Variants in ECT2L observed in about 807,000 individuals in gnomAD.
ECT2L encodes the protein epithelial cell transforming 2 like.
ECT2L carries 126 observed loss-of-function variants against 122.8 expected under a neutral mutation model. The observed-to-expected ratio is 1.03, with a 90% CI of 0.89 to 1.19. The LOEUF is 1.19. Ranked by LOEUF, ECT2L falls within the 50% of genes most tolerant of loss-of-function variation. The pLI, the probability that ECT2L is intolerant of heterozygous loss-of-function variation, is 0.00. For synonymous variants in ECT2L, 385 were observed against 381.8 expected, an observed-to-expected ratio of 1.01 and a Z score of -0.10; for missense variants, 1,012 against 1,064.1, an observed-to-expected ratio of 0.95 and a Z score of 0.68.
At chr6:138,830,680 A>G (rs1471643252) in intron 4 of ECT2L, among the ~76,000 whole-genome samples, 2 of 152,006 alleles carry the variant, frequency 1.3e-5, no homozygotes, top group Non-Finnish European at 2.9e-5. Flanking sequence ...CGAAATGACA[A>G]TCTTCCTGTG....
At chr6:138,849,180 G>A (rs1777338672) in intron 8 of ECT2L, 89 bp from the exon 9 acceptor site, 2 of 1,248,512 alleles carry the variant, frequency 1.6e-6, no homozygotes, top group East Asian at 5.4e-5. Context: ...AGAAATCACG[G>A]CGTATTTTGT....
Position 138,812,962 on chromosome 6 carries a change from A to G in ECT2L, c.-119A>G. 4.0e-6 allele frequency: 1 copy of G among 249,424 alleles called. No individual in the cohort carries two copies. The highest frequency in any genetic ancestry group is 7.5e-6 in the Non-Finnish European group (1 of 132,692). 15.5% of individuals were successfully genotyped at this position (249,424 alleles called of 1,614,324 possible). The stretch of plus-strand genomic sequence containing the variant: ...AAAAACAACTTTTGTTTAAATTCAG[A>G]TTTGGGTGAAAGCAGGTAAGAATAG... On this transcript the variant is annotated 5_prime_UTR_variant, in exon 2 of 22. Coordinates refer to ENST00000541398, the MANE Select transcript of ECT2L (RefSeq NM_001077706.3).
chr6:138,879,188 C>T (rs1778566425), intron 14 of ECT2L: 2 of 300,412 alleles, frequency 6.7e-6, no homozygotes, highest in Non-Finnish European at 1.3e-5. Context: ...TTGCTATTCA[C>T]AATAGGCTTT....
At chr6:138,841,232 G>T (rs1224300131) in intron 5 of ECT2L, among the ~76,000 whole-genome samples, 1 of 152,120 alleles carries the variant, frequency 6.6e-6, no homozygotes, top group Non-Finnish European at 1.5e-5. Flanking sequence ...TCTCTCTATA[G>T]TTATTAAAAA....
Position 138,901,128 on chromosome 6 carries a change from T to C in ECT2L, c.2587+8T>C, listed in dbSNP as rs777780341. 4 of 1,613,168 alleles carry C rather than the reference T, an allele frequency of 2.5e-6. No individual in the cohort carries two copies. Among genetic ancestry groups the C allele is most frequent in the Admixed American group, 3.3e-5 (2 of 59,944 alleles). ...ATATTCCAGATTCCAAGTGTATGTA[T>C]TCTTTTCCTTCCAAGAGACAGATAC... On this transcript the variant is annotated splice_region_variant and intron_variant, in intron 21 of 21. Transcript: ENST00000541398.
chr6:138,870,602 T>G lies in ECT2L; in HGVS notation c.1578+2396T>G, dbSNP rs199948081. Among the ~76,000 whole-genome samples, 21 of 12,664 alleles carry G rather than the reference T, an allele frequency of 1.7e-3. No homozygotes were observed. The East Asian group carries it at 0.42, about 253-fold the overall frequency. 8.3% of individuals were successfully genotyped at this position (12,664 alleles called of 152,430 possible). ...AGAAATTTGCATTTTGCTTTGACAT[T>G]TATGAGCCCTGAGAGAACTTAAGGG... On this transcript the variant is annotated intron_variant, in intron 13 of 21. Transcript: ENST00000541398.
At chr6:138,839,985 CTAA>C (rs1183804973) in intron 5 of ECT2L, among the ~76,000 whole-genome samples, 1 of 152,010 alleles carries the variant, frequency 6.6e-6, no homozygotes, top group East Asian at 1.9e-4. Context: ...TTTATATATA[CTAA>C]TAATAGCCTA....
At chr6:138,841,896 G>T (rs1562468262) in intron 5 of ECT2L, among the ~76,000 whole-genome samples, 1 of 152,206 alleles carries the variant, frequency 6.6e-6, no homozygotes, top group East Asian at 1.9e-4. Flanking sequence ...CTGAATATTG[G>T]CAATATCGTA....
intron 4 of ECT2L, among the ~76,000 whole-genome samples, chr6:138,821,446 A>G (rs116363254): frequency 0.011 from 1,664 of 147,204 alleles, 26 homozygotes; most frequent in African/African-American, 0.04. Context: ...TGTCCAGAAG[A>G]AAAAAAAAAA....
intron 4 of ECT2L, among the ~76,000 whole-genome samples, chr6:138,816,706 C>T (rs1316085813): frequency 3.9e-5 from 6 of 152,142 alleles, no homozygotes; most frequent in Admixed American, 2.0e-4. Context: ...AGGATGGTCT[C>T]GATCTCCTGA....
rs958620546 is a variant in ECT2L at position 138,876,391 on chromosome 6, G to A, written c.1579-81G>A. 14 of 902,792 alleles carry A rather than the reference G, an allele frequency of 1.6e-5. No homozygotes were observed. The Admixed American group carries it at 1.9e-4, about 12-fold the overall frequency. 55.9% of individuals were successfully genotyped at this position (902,792 alleles called of 1,614,324 possible). ...TGGGGCTGAAGGCAGAGGCTTCTGA[G>A]GGCCTCCTGCGGGCACAGTACTGAG... On this transcript the variant is annotated intron_variant, in intron 13 of 21. Transcript: ENST00000541398.
intron 1 of ECT2L, among the ~76,000 whole-genome samples, chr6:138,805,095 C>T (rs976241560): frequency 2.0e-5 from 3 of 152,300 alleles, no homozygotes; most frequent in East Asian, 1.9e-4. Flanking sequence ...TTATTTTATT[C>T]GCAGCTTCCT....
At chr6:138,835,323 C>T (rs1385611421) in intron 4 of ECT2L, among the ~76,000 whole-genome samples, 2 of 152,018 alleles carry the variant, frequency 1.3e-5, no homozygotes, top group African/African-American at 4.8e-5. Flanking sequence ...CCAAGGCAGG[C>T]GGATCGCTTG....
rs1226399629 is a variant in ECT2L at position 138,898,406 on chromosome 6, C to A, written c.2415-2542C>A. 2.0e-5 allele frequency among the ~76,000 whole-genome samples: 3 copies of A among 152,284 alleles called. No individual in the cohort carries two copies. The East Asian group carries it at 5.8e-4, about 29-fold the overall frequency. ...ACTATGTTTCCATTGACCCACACAC[C>A]TAAAACAACTCCTACTTCCTAACGC... On this transcript the variant is annotated intron_variant, in intron 20 of 21. Coordinates refer to ENST00000541398, the MANE Select transcript of ECT2L (RefSeq NM_001077706.3).
At chr6:138,883,445 A>G (rs1333269224) in intron 16 of ECT2L, among the ~76,000 whole-genome samples, 1 of 152,210 alleles carries the variant, frequency 6.6e-6, no homozygotes, top group African/African-American at 2.4e-5. Context: ...TGGGAATAAC[A>G]TCCCTCTTTC....
At chr6:138,818,340 T>C (rs1297251766) in intron 4 of ECT2L, among the ~76,000 whole-genome samples, 1 of 152,118 alleles carries the variant, frequency 6.6e-6, no homozygotes, top group Non-Finnish European at 1.5e-5. Context: ...CAGCCCCCTC[T>C]CCCACTTCAT....
intron 4 of ECT2L, among the ~76,000 whole-genome samples, chr6:138,836,362 C>T (rs1776839744): frequency 6.7e-6 from 1 of 148,408 alleles, no homozygotes; most frequent in South Asian, 2.1e-4. Context: ...GATCTCGGCT[C>T]ACTGCAACCT....
chr6:138,857,315 G>A (rs1269619446), intron 10 of ECT2L, among the ~76,000 whole-genome samples: 1 of 152,158 alleles, frequency 6.6e-6, no homozygotes, highest in Non-Finnish European at 1.5e-5. Flanking sequence ...ATCACCTGGA[G>A]GGCTGGTTAA....
At chr6:138,878,662 G>C (rs1778547564) in intron 14 of ECT2L, among the ~76,000 whole-genome samples, 1 of 151,808 alleles carries the variant, frequency 6.6e-6, no homozygotes, top group South Asian at 2.1e-4. Context: ...GGTCAGGCTG[G>C]TCTCGAACTC....
Sources: gnomAD v4.1 joint callset for allele counts (sites outside exome capture counted in the v4.1 genomes callset) on GRCh38, gnomAD v4.1.1 for gene constraint, MANE v1.5 for transcripts, NCBI Gene and HGNC (gene_info 2026-07-23, HGNC 2026-07-21) for gene names.